The following VPS4A variants were observed in gnomAD, a reference collection of about 807,000 sequenced individuals.
The protein encoded by VPS4A is vacuolar protein sorting 4 homolog A, also known as vacuolar protein sorting-associated protein 4A.
Under a neutral mutation model 52.3 loss-of-function variants are expected in VPS4A, and 20 were observed. The observed-to-expected ratio is 0.38, with a 90% CI of 0.27 to 0.56. The LOEUF is 0.56. Among genes scored for constraint, VPS4A ranks in the 20% least tolerant of loss-of-function variants. The probability of loss-of-function intolerance (pLI) is 0.72; values close to 1 mark genes in which losing one functional copy is unlikely to be tolerated. For synonymous variants in VPS4A, 293 were observed against 227.7 expected, an observed-to-expected ratio of 1.29 and a Z score of -2.58; for missense variants, 419 against 575.9, an observed-to-expected ratio of 0.73 and a Z score of 2.79.
rs915440273 is a variant in VPS4A at position 69,326,901 on chromosome 16, T to A, written c.*2592T>A. The A allele has an allele frequency of 2.0e-5, 3 of 152,090 alleles. No individual in the cohort carries two copies. The highest frequency in any genetic ancestry group is 7.2e-5 in the African/African-American group (3 of 41,412). The allele number at this position is 152,090 out of a possible 1,614,324, so 9.4% of individuals were successfully genotyped here. On this transcript the variant is annotated 3_prime_UTR_variant, in exon 11 of 11. Transcript: ENST00000254950. ...TGCTTCCTGCTCAAAGTGGGAGAGATTTTACTGGAAATGCAATAAAGTTTG... is the reference window on the plus strand; with the variant it reads ...TGCTTCCTGCTCAAAGTGGGAGAGAATTTACTGGAAATGCAATAAAGTTTG...
Position 69,318,903 on chromosome 16 carries a change from G to A in VPS4A, c.424G>A (p.Ala142Thr). The A allele has an allele frequency of 6.2e-7, 1 of 1,613,734 alleles. No homozygotes were observed. Among genetic ancestry groups the A allele is most frequent in the South Asian group, 1.1e-5 (1 of 91,086 alleles). The part of the protein sequence containing the change: ...LEGAKEALKE[A>T]VILPIKFPHL... Reference sequence around the variant, plus strand: ...GGGGGCCAAGGAGGCCCTCAAAGAAGCTGTCATTTTGCCAATCAAATTCCC... The same window carrying A: ...GGGGGCCAAGGAGGCCCTCAAAGAAACTGTCATTTTGCCAATCAAATTCCC... The change falls in exon 5 of 11, where the codon GCT (alanine) becomes ACT (threonine). Residue 142 changes from alanine (A) to threonine (T), a missense_variant. This residue lies in a region of VPS4A where 103 missense variants were observed against 210.3 expected (regional missense o/e 0.49). Coordinates refer to ENST00000254950, the MANE Select transcript of VPS4A (RefSeq NM_013245.3).
intron 3 of VPS4A, among the ~76,000 whole-genome samples, chr16:69,317,529 C>T (rs1295258312): frequency 1.3e-5 from 2 of 152,124 alleles, no homozygotes; most frequent in African/African-American, 2.4e-5. Flanking sequence ...CGCGGTGGCT[C>T]ACGCCTGTAA....
At chr16:69,318,051 A>G (rs1965460681) in intron 3 of VPS4A, among the ~76,000 whole-genome samples, 1 of 139,776 alleles carries the variant, frequency 7.2e-6, no homozygotes, top group Admixed American at 7.6e-5. Context: ...ACTGTCTCCC[A>G]GGCTGGAGTG....
chr16:69,318,498 C>G (rs1965466030), intron 3 of VPS4A, among the ~76,000 whole-genome samples, 152 bp from the exon 4 acceptor site: 1 of 152,172 alleles, frequency 6.6e-6, no homozygotes, highest in South Asian at 2.1e-4. Context: ...CCCAAATGTC[C>G]CTGAAGTACT....
At position 69,311,403 on chromosome 16, in the gene VPS4A, C is replaced by A. The variant is rs1431104977; in HGVS notation, c.-109C>A. ...GGCCGCCCTGCCCGCGCACCGCGCT[C>A]AGCGCCCACCGCCGGGCTTCCCGCG... On this transcript the variant is annotated 5_prime_UTR_variant, in exon 1 of 11. Coordinates refer to ENST00000254950, the MANE Select transcript of VPS4A (RefSeq NM_013245.3). The A allele has an allele frequency of 1.7e-6, 2 of 1,176,112 alleles. No individual in the cohort carries two copies. The highest frequency in any genetic ancestry group is 2.6e-4 in the Middle Eastern group (1 of 3,908). The allele number at this position is 1,176,112 out of a possible 1,614,324, so 72.9% of individuals were successfully genotyped here. A position where few individuals can be genotyped will look rare whatever the true frequency, so the allele number is the denominator to read the frequency against.
At chr16:69,319,303 TG>T (rs1965480761) in intron 5 of VPS4A, 83 bp from the exon 6 acceptor site, 1 of 1,548,550 alleles carries the variant, frequency 6.5e-7, no homozygotes, top group East Asian at 2.2e-5. Context: ...CCTGTTTTAC[TG>T]TATGTATGGG....
At chr16:69,319,593 T>G in intron 6 of VPS4A, 50 bp downstream of exon 6, 3 of 1,573,628 alleles carry the variant, frequency 1.9e-6, no homozygotes, top group Non-Finnish European at 2.6e-6. Flanking sequence ...GCACTGCTAG[T>G]GACCCAGCGG....
Position 69,320,060 on chromosome 16 carries a change from G to A in VPS4A, c.621-81G>A. The A allele has an allele frequency of 6.6e-7, 1 of 1,507,030 alleles. No homozygotes were observed. Among genetic ancestry groups the A allele is most frequent in the South Asian group, 1.3e-5 (1 of 79,576 alleles). The allele number at this position is 1,507,030 out of a possible 1,614,324, so 93.4% of individuals were successfully genotyped here. On this transcript the variant is annotated intron_variant, in intron 6 of 10. Transcript: ENST00000254950. This position sits in a 1 kb window ranked among gnomAD's most constrained non-coding sequence, Gnocchi z 4.2. ...GTGGCCTGCGCCTCCCTGTGGGAAG[G>A]GTGAGAAGAGGGAAGTGCCGGGAGC... is the stretch of plus-strand genomic sequence containing the variant.
chr16:69,320,307 G>A lies in VPS4A; in HGVS notation c.769+18G>A, dbSNP rs373329289. On this transcript the variant is annotated intron_variant, in intron 7 of 10. Coordinates refer to ENST00000254950, the MANE Select transcript of VPS4A (RefSeq NM_013245.3). This position sits in a 1 kb window ranked among gnomAD's most constrained non-coding sequence, Gnocchi z 4.2. ...GATGCAGGGTGTGTGCCGGGCCCAG[G>A]GCCCCCTTGGTTCTTGTTGCACCTG... 9 of 1,608,078 alleles carry A rather than the reference G, an allele frequency of 5.6e-6. No homozygotes were observed. The African/African-American group carries it at 1.1e-4, about 19-fold the overall frequency.
Position 69,320,885 on chromosome 16 carries a change from C to G in VPS4A, c.851+116C>G. On this transcript the variant is annotated intron_variant, in intron 8 of 10. Coordinates refer to ENST00000254950, the MANE Select transcript of VPS4A (RefSeq NM_013245.3). The surrounding 1 kb of genome is among the most constrained non-coding windows in gnomAD (Gnocchi z 4.2). Reference sequence around the variant, plus strand: ...CCCCTTTTCCCTGGAGTCTTCCCGTCTGCCTGCCAAGCAGAGCCCTTTGTG... The same window carrying G: ...CCCCTTTTCCCTGGAGTCTTCCCGTGTGCCTGCCAAGCAGAGCCCTTTGTG... 7.9e-7 allele frequency: 1 copy of G among 1,269,700 alleles called. No homozygotes were observed. Among genetic ancestry groups the G allele is most frequent in the Non-Finnish European group, 1.1e-6 (1 of 905,798 alleles). The allele number at this position is 1,269,700 out of a possible 1,614,324, so 78.7% of individuals were successfully genotyped here.
Position 69,320,548 on chromosome 16 carries a change from C to T in VPS4A, c.770-140C>T, listed in dbSNP as rs1024244912. 2 of 848,258 alleles carry T rather than the reference C, an allele frequency of 2.4e-6. No individual in the cohort carries two copies. Among genetic ancestry groups the T allele is most frequent in the African/African-American group, 3.4e-5 (2 of 58,604 alleles). 52.5% of individuals were successfully genotyped at this position (848,258 alleles called of 1,614,324 possible). A position where few individuals can be genotyped will look rare whatever the true frequency, so the allele number is the denominator to read the frequency against. ...GCCAGACCAAGATGTGGTTTAATCT[C>T]ACTTGGGACCCTGCCAGTGGTGGGT... On this transcript the variant is annotated intron_variant, in intron 7 of 10. Transcript: ENST00000254950. This position sits in a 1 kb window ranked among gnomAD's most constrained non-coding sequence, Gnocchi z 4.2.
intron 3 of VPS4A, 73 bp from the exon 4 acceptor site, chr16:69,318,577 C>T: frequency 6.6e-7 from 1 of 1,520,364 alleles, no homozygotes; most frequent in African/African-American, 1.4e-5. Context: ...GGCAGCGGAG[C>T]CTGGACTTGC....
intron 1 of VPS4A, among the ~76,000 whole-genome samples, chr16:69,315,746 T>C (rs1012104068): frequency 1.3e-5 from 2 of 152,162 alleles, no homozygotes; most frequent in African/African-American, 4.8e-5. Flanking sequence ...CCTGAGATAT[T>C]AGGTCAGGTT....
intron 1 of VPS4A, among the ~76,000 whole-genome samples, chr16:69,313,765 A>G (rs1313487035): frequency 6.6e-6 from 1 of 152,050 alleles, no homozygotes; most frequent in Non-Finnish European, 1.5e-5. Context: ...CAAATCCTAA[A>G]TTATTTACCA....
At chr16:69,322,089 G>GCAGCA (rs1567424727) in intron 9 of VPS4A, 186 of 166,586 alleles carry the variant, frequency 1.1e-3, no homozygotes, top group African/African-American at 3.1e-3. Context: ...ACATGCTGGT[G>GCAGCA]GCAAGAGAAA....
rs140117270 is a variant in VPS4A, at chr16:69,324,781, T to C, written c.*472T>C. ...CCAAGTTTTGCTCCTTGAGAGCAGATTGGCTGATGCCCCTGCAACCCCAGC... is the reference window on the plus strand; with the variant it reads ...CCAAGTTTTGCTCCTTGAGAGCAGACTGGCTGATGCCCCTGCAACCCCAGC... On this transcript the variant is annotated 3_prime_UTR_variant, in exon 11 of 11. Transcript: ENST00000254950. 3.8e-3 allele frequency: 717 copies of C among 187,736 alleles called. 6 individuals carry two copies. The highest frequency in any genetic ancestry group is 0.015 in the African/African-American group (632 of 43,310). The allele number at this position is 187,736 out of a possible 1,614,324, so 11.6% of individuals were successfully genotyped here.
intron 1 of VPS4A, among the ~76,000 whole-genome samples, chr16:69,313,982 ACT>A (rs949722481): frequency 3.4e-5 from 4 of 117,236 alleles, no homozygotes; most frequent in Non-Finnish European, 7.2e-5. Context: ...AGTCCAGTGC[ACT>A]CTTTTTTTTT....
intron 9 of VPS4A, chr16:69,322,104 A>G (rs35529505): frequency 0.032 from 5,417 of 166,846 alleles, 339 homozygotes; most frequent in African/African-American, 0.12. Flanking sequence ...GAGAAAATGA[A>G]GAAACAAAAG....
Position 69,326,252 on chromosome 16 carries a change from C to T in VPS4A, c.*1943C>T, listed in dbSNP as rs949599928. Reference sequence around the variant, plus strand: ...ATTTCTTTGCTCTGGTTCAGAGCCTCTGCAGAAGTGAGCTAACTTTGGATC... The same window carrying T: ...ATTTCTTTGCTCTGGTTCAGAGCCTTTGCAGAAGTGAGCTAACTTTGGATC... On this transcript the variant is annotated 3_prime_UTR_variant, in exon 11 of 11. Coordinates refer to ENST00000254950, the MANE Select transcript of VPS4A (RefSeq NM_013245.3). 2.0e-5 allele frequency: 3 copies of T among 152,228 alleles called. No individual in the cohort carries two copies. In the East Asian group the frequency reaches 5.8e-4, roughly 29 times the overall value. The allele number at this position is 152,228 out of a possible 1,614,324, so 9.4% of individuals were successfully genotyped here. A position where few individuals can be genotyped will look rare whatever the true frequency, so the allele number is the denominator to read the frequency against.
Sources: gnomAD v4.1 joint callset for allele counts (sites outside exome capture counted in the v4.1 genomes callset) on GRCh38, gnomAD v4.1.1 for gene constraint, gnomAD v4.1.1 regional missense constraint, Gnocchi (gnomAD v3.1) non-coding constraint, MANE v1.5 for transcripts, NCBI Gene and HGNC (gene_info 2026-07-23, HGNC 2026-07-21) for gene names.